The following KCND2 variants were observed in gnomAD, a reference collection of about 807,000 sequenced individuals.
KCND2 encodes the protein potassium voltage-gated channel subfamily D member 2, also known as A-type voltage-gated potassium channel KCND2.
In KCND2, 16 loss-of-function variants were observed where a neutral mutation model predicts 54.4. The observed-to-expected ratio is 0.29, with a 90% CI of 0.20 to 0.45. The LOEUF (loss-of-function observed/expected upper bound fraction) is 0.45. KCND2 is among the 20% of genes least tolerant of loss of function. The pLI is 1.00. For synonymous variants in KCND2, 317 were observed against 310.7 expected (o/e 1.02, Z -0.21); for missense variants, 486 against 824.2 (o/e 0.59, Z 5.02).
chr7:120,274,888 G>A lies in KCND2; in HGVS notation c.256G>A (p.Asp86Asn). 6.2e-7 allele frequency: 1 copy of A among 1,614,042 alleles called. No homozygotes were observed. The highest frequency in any genetic ancestry group is 8.5e-7 in the Non-Finnish European group (1 of 1,180,010). ...CCCAGAAACTCAGCAGTATTTCTTT[G>A]ACCGTGACCCAGACATCTTCCGCCA... ...YHPETQQYFF[D>N]RDPDIFRHIL... Residue 86 changes from aspartate to asparagine, a missense_variant, in exon 1 of 6, where the codon GAC (aspartate) becomes AAC (asparagine). This residue lies in a region of KCND2 where 231 missense variants were observed against 386.0 expected (regional missense o/e 0.60). Transcript: ENST00000331113.
chr7:120,581,288 C>T (rs940541209), intron 1 of KCND2, among the ~76,000 whole-genome samples: 6 of 152,156 alleles, frequency 3.9e-5, no homozygotes, highest in African/African-American at 1.4e-4. Flanking sequence ...TCTCGCTTTC[C>T]TATAGAAACC....
intron 1 of KCND2, among the ~76,000 whole-genome samples, chr7:120,420,024 AG>A (rs1235168900): frequency 1.3e-5 from 2 of 151,292 alleles, no homozygotes; most frequent in African/African-American, 4.8e-5. Context: ...AAAGAAAAAA[AG>A]AAAAAACTGA....
At chr7:120,689,154 G>A (rs1792239670) in intron 1 of KCND2, among the ~76,000 whole-genome samples, 1 of 152,112 alleles carries the variant, frequency 6.6e-6, no homozygotes, top group East Asian at 1.9e-4. Flanking sequence ...ATGCACAGTA[G>A]TGGGCCGAAT....
intron 1 of KCND2, among the ~76,000 whole-genome samples, chr7:120,414,386 C>T (rs534226047): frequency 2.0e-5 from 3 of 152,086 alleles, no homozygotes; most frequent in Non-Finnish European, 4.4e-5. Flanking sequence ...CCATTACTCC[C>T]ATTTGACTAT....
chr7:120,578,008 C>G (rs1297313933), intron 1 of KCND2, among the ~76,000 whole-genome samples: 2 of 150,430 alleles, frequency 1.3e-5, no homozygotes, highest in African/African-American at 2.5e-5. Flanking sequence ...CAAGACAAGC[C>G]TGAGCAACAT....
At chr7:120,500,107 G>A (rs887639057) in intron 1 of KCND2, among the ~76,000 whole-genome samples, 1 of 152,150 alleles carries the variant, frequency 6.6e-6, no homozygotes, top group Non-Finnish European at 1.5e-5. Flanking sequence ...TCCTCTGAGT[G>A]TTCCATTATA....
At chr7:120,721,856 G>T (rs1286279642) in intron 1 of KCND2, among the ~76,000 whole-genome samples, 1 of 152,078 alleles carries the variant, frequency 6.6e-6, no homozygotes, top group Admixed American at 6.6e-5. Context: ...GTTGTGGGAG[G>T]GACCCGGTAG....
intron 1 of KCND2, among the ~76,000 whole-genome samples, chr7:120,544,737 G>T (rs1054369868): frequency 6.6e-6 from 1 of 151,736 alleles, no homozygotes; most frequent in African/African-American, 2.4e-5. Context: ...ATCATTACAC[G>T]TTTTCCCACA....
At chr7:120,686,521 C>T (rs1444744184) in intron 1 of KCND2, among the ~76,000 whole-genome samples, 1 of 152,110 alleles carries the variant, frequency 6.6e-6, no homozygotes, top group Non-Finnish European at 1.5e-5. Context: ...GAGTTGGAGG[C>T]AAGTTTTAGA....
intron 1 of KCND2, among the ~76,000 whole-genome samples, chr7:120,281,401 G>A (rs1369200825): frequency 7.0e-6 from 1 of 143,598 alleles, no homozygotes; most frequent in Non-Finnish European, 1.5e-5. Flanking sequence ...AGCTAGATTT[G>A]ATGATGTGGG....
chr7:120,661,381 G>T (rs1320656000), intron 1 of KCND2, among the ~76,000 whole-genome samples: 1 of 152,166 alleles, frequency 6.6e-6, no homozygotes, highest in African/African-American at 2.4e-5. Context: ...AGGCACTGTG[G>T]CTCACACCTG....
At chr7:120,614,911 G>C (rs529399609) in intron 1 of KCND2, among the ~76,000 whole-genome samples, 3 of 152,244 alleles carry the variant, frequency 2.0e-5, no homozygotes, top group African/African-American at 7.2e-5. Context: ...ATTAGTATTA[G>C]GCTTTCTGTG....
intron 1 of KCND2, among the ~76,000 whole-genome samples, chr7:120,689,551 A>C (rs1045466063): frequency 6.6e-6 from 1 of 152,194 alleles, no homozygotes; most frequent in Non-Finnish European, 1.5e-5. Context: ...TAGTCATAAA[A>C]TGTAAAATGC....
chr7:120,446,280 A>G (rs1314928931), intron 1 of KCND2, among the ~76,000 whole-genome samples: 1 of 152,178 alleles, frequency 6.6e-6, no homozygotes, highest in African/African-American at 2.4e-5. Context: ...ACTTAGATGT[A>G]TGTTGAATTT....
chr7:120,545,939 A>G (rs1053395656), intron 1 of KCND2, among the ~76,000 whole-genome samples: 3 of 151,858 alleles, frequency 2.0e-5, no homozygotes, highest in East Asian at 1.9e-4. Flanking sequence ...ATTCATGGGT[A>G]GCTTCCTAAC....
intron 1 of KCND2, among the ~76,000 whole-genome samples, chr7:120,453,677 A>G (rs992936108): frequency 4.6e-5 from 7 of 152,236 alleles, no homozygotes; most frequent in Non-Finnish European, 1.0e-4. Context: ...GTAGTAAACA[A>G]TGAAATAAAG....
chr7:120,742,967 G>C (rs545770079), intron 4 of KCND2, among the ~76,000 whole-genome samples: 28 of 152,108 alleles, frequency 1.8e-4, no homozygotes, highest in African/African-American at 6.3e-4. Context: ...GTGCTCGAGG[G>C]TCCCTAGCAT....
At chr7:120,480,991 A>G (rs893398263) in intron 1 of KCND2, among the ~76,000 whole-genome samples, 1 of 152,214 alleles carries the variant, frequency 6.6e-6, no homozygotes, top group Admixed American at 6.5e-5. Flanking sequence ...GCTTCTGTTG[A>G]GTATTCAAAA....
rs1029901277 is a variant in KCND2, at chr7:120,748,564, C to T, written c.*706C>T. ...GTTCAGATAGTTCAGTATTCATTAT[C>T]GTTTAACTTTGCACCTAGATACTGT... On this transcript the variant is annotated 3_prime_UTR_variant, in exon 6 of 6. Coordinates refer to ENST00000331113, the MANE Select transcript of KCND2 (RefSeq NM_012281.3). The T allele has an allele frequency of 1.3e-5, 2 of 152,326 alleles. No homozygotes were observed. The highest frequency in any genetic ancestry group is 4.8e-5 in the African/African-American group (2 of 41,422). 9.4% of individuals were successfully genotyped at this position (152,326 alleles called of 1,614,324 possible). A position where few individuals can be genotyped will look rare whatever the true frequency, so the allele number is the denominator to read the frequency against.
Sources: gnomAD v4.1 joint callset for allele counts (sites outside exome capture counted in the v4.1 genomes callset) on GRCh38, gnomAD v4.1.1 for gene constraint, gnomAD v4.1.1 regional missense constraint, MANE v1.5 for transcripts, NCBI Gene and HGNC (gene_info 2026-07-23, HGNC 2026-07-21) for gene names.